The following VBP1 variants were observed in gnomAD, a reference collection of about 807,000 sequenced individuals.
VBP1 encodes VHL binding protein 1.
VBP1 carries 4 observed loss-of-function variants against 15.5 expected under a neutral mutation model. The observed-to-expected ratio is 0.26, with a 90% CI of 0.13 to 0.59. The LOEUF is 0.59. Ranked by LOEUF, VBP1 falls within the 20% of genes least tolerant of loss-of-function variation. The pLI is 0.90. For missense variants in VBP1, 108 were observed against 139.6 expected, an observed-to-expected ratio of 0.77 and a Z score of 1.14; for synonymous variants, 61 against 52.1, an observed-to-expected ratio of 1.17 and a Z score of -0.74.
chrX:155,212,861 G>C (rs1274203798), upstream of VBP1: 2 of 111,794 alleles, frequency 1.8e-5, no homozygotes, highest in Admixed American at 9.4e-5. Flanking sequence ...AATAACATCA[G>C]TCCCAGGAAA....
chrX:155,229,130 C>G (rs895033630), intron 4 of VBP1, among the ~76,000 whole-genome samples: 1 of 111,864 alleles, frequency 8.9e-6, no homozygotes, highest in Non-Finnish European at 1.9e-5. Flanking sequence ...AGGATTTCCC[C>G]TAGCTGCTGT....
In VBP1 at chrX:155,201,916, A is replaced by T. The variant is rs1228069430; in HGVS notation, c.-31+4777A>T. On this transcript the variant is annotated intron_variant, in intron 1 of 6. Coordinates refer to the VBP1 transcript ENST00000535916. ...TAATAAGTAACTTCAGCAAAGTCTC[A>T]GGATACAAAATCAATGTGCAAAAAT... Among the ~76,000 whole-genome samples the T allele has an allele frequency of 3.6e-5, 4 of 112,026 alleles. No individual in the cohort carries two copies. In the East Asian group the frequency reaches 8.3e-4, roughly 23 times the overall value.
chrX:155,215,439 T>C (rs2074659006), upstream of VBP1, among the ~76,000 whole-genome samples: 1 of 111,990 alleles, frequency 8.9e-6, no homozygotes, highest in African/African-American at 3.3e-5. Flanking sequence ...GCTTCACTAC[T>C]ATGTAGTTGT....
chrX:155,206,444 C>T (rs2074626674), intron 1 of VBP1, among the ~76,000 whole-genome samples: 1 of 110,602 alleles, frequency 9.0e-6, no homozygotes, highest in African/African-American at 3.3e-5. Context: ...CCGTGTTAGC[C>T]AGGATGGTCT....
In VBP1 at chrX:155,239,320, T is replaced by A; in HGVS notation, c.*478T>A. The A allele has an allele frequency of 8.9e-6, 1 of 112,625 alleles. No homozygotes were observed. Among genetic ancestry groups the A allele is most frequent in the Non-Finnish European group, 1.9e-5 (1 of 53,558 alleles). The allele number at this position is 112,625 out of a possible 1,213,427, so 9.3% of individuals were successfully genotyped here. A position where few individuals can be genotyped will look rare whatever the true frequency, so the allele number is the denominator to read the frequency against. ...TGCTATTGTCTTCTATAAGTGGAGT[T>A]TCATGACTTACTGCTTAACGAATAA... On this transcript the variant is annotated 3_prime_UTR_variant, in exon 6 of 6. Coordinates refer to ENST00000286428, the MANE Select transcript of VBP1 (RefSeq NM_003372.7).
Position 155,230,125 on chromosome X carries a change from T to C in VBP1, c.384+1643T>C, listed in dbSNP as rs185137361. On this transcript the variant is annotated intron_variant, in intron 4 of 5. Coordinates refer to ENST00000286428, the MANE Select transcript of VBP1 (RefSeq NM_003372.7). The stretch of plus-strand genomic sequence containing the variant: ...TCCGTGATGAGCCCCAGAATCAGGG[T>C]CGATTCCTTCTGAGAGCTGTGAGGG... 4.5e-5 allele frequency among the ~76,000 whole-genome samples: 5 copies of C among 111,400 alleles called. No individual in the cohort carries two copies. In the East Asian group the frequency reaches 1.4e-3, roughly 31 times the overall value.
intron 2 of VBP1, among the ~76,000 whole-genome samples, chrX:155,225,398 C>T (rs1329763562): frequency 1.8e-5 from 2 of 111,775 alleles, no homozygotes; most frequent in African/African-American, 6.5e-5. Flanking sequence ...CTGAGTTTCA[C>T]CATGCTGGCC....
At chrX:155,203,503 C>T (rs1168761617) in intron 1 of VBP1, among the ~76,000 whole-genome samples, 4 of 106,727 alleles carry the variant, frequency 3.7e-5, no homozygotes, top group South Asian at 4.3e-4. Context: ...AGTAAAGTAT[C>T]GCAAGGACAA....
chrX:155,202,837 G>T (rs782337382), intron 1 of VBP1, among the ~76,000 whole-genome samples: 1 of 110,394 alleles, frequency 9.1e-6, no homozygotes, highest in Non-Finnish European at 1.9e-5. Context: ...CAAAATGGGA[G>T]AAAATTCTCA....
At chrX:155,216,447 C>G, upstream of VBP1, 9 of 1,159,764 alleles carry the variant, frequency 7.8e-6, no homozygotes, top group Admixed American at 2.6e-5. Flanking sequence ...CGGCGGCCGG[C>G]GGCCCGGGAG....
At chrX:155,218,084 A>G (rs2074673429) in intron 1 of VBP1, among the ~76,000 whole-genome samples, 1 of 111,784 alleles carries the variant, frequency 8.9e-6, no homozygotes, top group African/African-American at 3.3e-5. Flanking sequence ...TCGGGAGGAG[A>G]CACTTTATCT....
chrX:155,200,997 C>G (rs1267187242), intron 1 of VBP1, among the ~76,000 whole-genome samples: 2 of 111,568 alleles, frequency 1.8e-5, no homozygotes, highest in African/African-American at 3.3e-5. Context: ...CGCAAATAAA[C>G]TAGAAAATCT....
chrX:155,212,515 T>A (rs1411319450), upstream of VBP1, among the ~76,000 whole-genome samples: 2 of 111,743 alleles, frequency 1.8e-5, no homozygotes, highest in Admixed American at 1.9e-4. Flanking sequence ...AGTGCCCTGA[T>A]GACTCACCAG....
intron 2 of VBP1, among the ~76,000 whole-genome samples, chrX:155,223,635 CTTTCCCCACA>C (rs1248670543): frequency 8.9e-6 from 1 of 112,802 alleles, no homozygotes; most frequent in East Asian, 2.8e-4. Flanking sequence ...TCTCTCCTTC[CTTTCCCCACA>C]TTTCCCCCTT....
rs1178730772 is a variant in VBP1, at chrX:155,239,411, C to T, written c.*569C>T. The T allele has an allele frequency of 4.5e-5, 5 of 111,887 alleles. No homozygotes were observed. Among genetic ancestry groups the T allele is most frequent in the African/African-American group, 1.6e-4 (5 of 30,706 alleles). The allele number at this position is 111,887 out of a possible 1,213,427, so 9.2% of individuals were successfully genotyped here. On this transcript the variant is annotated 3_prime_UTR_variant, in exon 6 of 6. Transcript: ENST00000286428. The stretch of plus-strand genomic sequence containing the variant: ...TTTGCCTTGCTACACATTAAGAGGG[C>T]TATTAAGACTACATTTTTTCTAACC...
rs781910984 is a variant in VBP1, at chrX:155,231,046, G to C, written c.384+2564G>C. 3.6e-5 allele frequency among the ~76,000 whole-genome samples: 4 copies of C among 112,044 alleles called. No individual in the cohort carries two copies. In the South Asian group the frequency reaches 1.5e-3, roughly 42 times the overall value. On this transcript the variant is annotated intron_variant, in intron 4 of 5. Transcript: ENST00000286428. ...TCTTGCCAGACTTAGAGCATGCTGGGAATGGCCCTGCCTCAGAACCTTTAT... is the reference window on the plus strand; with the variant it reads ...TCTTGCCAGACTTAGAGCATGCTGGCAATGGCCCTGCCTCAGAACCTTTAT...
At chrX:155,224,786 A>G (rs1262559655) in intron 2 of VBP1, among the ~76,000 whole-genome samples, 3 of 111,515 alleles carry the variant, frequency 2.7e-5, no homozygotes, top group Non-Finnish European at 5.7e-5. Context: ...TGTGATTATC[A>G]CTTTTTCTAT....
intron 2 of VBP1, 161 bp from the exon 3 acceptor site, chrX:155,227,070 ATATT>A (rs1281056429): frequency 8.1e-5 from 14 of 172,408 alleles, no homozygotes; most frequent in African/African-American, 9.3e-5. Flanking sequence ...ATTTTTATAA[ATATT>A]TATATCTTAT....
chrX:155,234,163 C>T (rs1418175808), intron 4 of VBP1, among the ~76,000 whole-genome samples: 3 of 87,279 alleles, frequency 3.4e-5, no homozygotes, highest in East Asian at 3.8e-4. Context: ...TTCTGTCGCC[C>T]GGGCTGGAGC....
Sources: allele counts gnomAD v4.1 joint callset (sites outside exome capture counted in the v4.1 genomes callset), GRCh38; gene constraint gnomAD v4.1.1; transcripts MANE v1.5; gene names NCBI Gene and HGNC (gene_info 2026-07-23, HGNC 2026-07-21).